Variants in AHRR observed in about 807,000 individuals in gnomAD.
The protein encoded by AHRR is aryl hydrocarbon receptor repressor.
In AHRR, 28 loss-of-function variants were observed where a neutral mutation model predicts 44.0. That is an observed-to-expected ratio of 0.64 (90% CI 0.47 to 0.87). The LOEUF (loss-of-function observed/expected upper bound fraction) is 0.87, where lower values mean the gene tolerates loss of function less well. Ranked by LOEUF, AHRR falls within the 40% of genes least tolerant of loss-of-function variation. The pLI is 0.00. For synonymous variants in AHRR, 434 were observed against 407.0 expected, an observed-to-expected ratio of 1.07 and a Z score of -0.80; for missense variants, 990 against 953.9, an observed-to-expected ratio of 1.04 and a Z score of -0.50.
rs61198497 is a variant in AHRR at position 367,858 on chromosome 5, G to A, written c.245-8752G>A. ...CGAAGATGTGGATGACCACACGGGC[G>A]AACGAAGGCCCATGTCGTTCAGGAG... On this transcript the variant is annotated intron_variant, in intron 3 of 10. Transcript: ENST00000684583. 119 of 702,592 alleles carry A rather than the reference G, an allele frequency of 1.7e-4. 3 individuals carry two copies. Among genetic ancestry groups the A allele is most frequent in the South Asian group, 1.1e-3 (75 of 67,604 alleles). 43.5% of individuals were successfully genotyped at this position (702,592 alleles called of 1,614,324 possible). A position where few individuals can be genotyped will look rare whatever the true frequency, so the allele number is the denominator to read the frequency against.
intron 3 of AHRR, among the ~76,000 whole-genome samples, chr5:372,198 C>T (rs902933002): frequency 6.6e-6 from 1 of 152,184 alleles, no homozygotes; most frequent in African/African-American, 2.4e-5. Context: ...GGTGGGCTGG[C>T]GGGGCCACCC....
At chr5:400,558 T>TA (rs999023959) in intron 4 of AHRR, among the ~76,000 whole-genome samples, 17 of 149,252 alleles carry the variant, frequency 1.1e-4, no homozygotes, top group African/African-American at 2.5e-4. Flanking sequence ...GGACCACGTT[T>TA]AAAAAAAAAA....
chr5:343,622 C>T, intron 1 of AHRR: 1 of 461,904 alleles, frequency 2.2e-6, no homozygotes, highest in Non-Finnish European at 3.8e-6. Context: ...AGCCAGGCTC[C>T]AGAGCAGGCG....
chr5:415,233 A>G (rs1246003401), intron 5 of AHRR, among the ~76,000 whole-genome samples: 2 of 152,236 alleles, frequency 1.3e-5, no homozygotes, highest in South Asian at 4.1e-4. Context: ...CTACGAGGAA[A>G]GGGTCCCAGA....
intron 4 of AHRR, among the ~76,000 whole-genome samples, chr5:379,843 TAA>T (rs1244789661): frequency 6.6e-6 from 1 of 152,266 alleles, no homozygotes; most frequent in Non-Finnish European, 1.5e-5. Context: ...CCATTTTGAT[TAA>T]GTTTAATTTA....
chr5:343,972 A>T lies in AHRR; in HGVS notation c.62+8A>T. 1 of 1,594,656 alleles carries T rather than the reference A, an allele frequency of 6.3e-7. No individual in the cohort carries two copies. Among genetic ancestry groups the T allele is most frequent in the Non-Finnish European group, 8.5e-7 (1 of 1,171,632 alleles). The stretch of plus-strand genomic sequence containing the variant: ...GAGGCCCCTGCAGAAACAGTAAAGT[A>T]TCCCGCCTTCTGCTTGTGTGGGTTG... On this transcript the variant is annotated splice_region_variant and intron_variant, in intron 2 of 10. Transcript: ENST00000684583.
chr5:396,459 C>T (rs1050721696), intron 4 of AHRR, among the ~76,000 whole-genome samples: 3 of 152,184 alleles, frequency 2.0e-5, no homozygotes, highest in Non-Finnish European at 4.4e-5. Flanking sequence ...GAGAGAGCTC[C>T]ATGATGCCCA....
At chr5:414,968 C>T (rs2126515353) in intron 5 of AHRR, among the ~76,000 whole-genome samples, 1 of 152,370 alleles carries the variant, frequency 6.6e-6, no homozygotes, top group East Asian at 1.9e-4. Flanking sequence ...CCCACAGGGC[C>T]CAGGCGGGGG....
In AHRR at chr5:419,355, G is replaced by A. The variant is rs1735968663; in HGVS notation, c.442-3374G>A. Among the ~76,000 whole-genome samples the A allele has an allele frequency of 6.6e-6, 1 of 152,002 alleles. No homozygotes were observed. Among genetic ancestry groups the A allele is most frequent in the African/African-American group, 2.4e-5 (1 of 41,370 alleles). ...AAATTTTGTATTTTTAGAAGAGACG[G>A]GGCTTCACCATGTTGAAGCCAGGCT... On this transcript the variant is annotated intron_variant, in intron 5 of 10. Coordinates refer to ENST00000684583, the MANE Select transcript of AHRR (RefSeq NM_001377236.1). This position sits in a 1 kb window ranked among gnomAD's most constrained non-coding sequence, Gnocchi z 4.4.
At chr5:427,710 A>G in intron 7 of AHRR, 97 bp from the exon 8 acceptor site, 1 of 1,613,672 alleles carries the variant, frequency 6.2e-7, no homozygotes, top group African/African-American at 1.3e-5. Context: ...CTCCCTACGA[A>G]TTCCAGCCGC....
chr5:393,999 A>G (rs1734587807), intron 4 of AHRR, among the ~76,000 whole-genome samples: 1 of 152,110 alleles, frequency 6.6e-6, no homozygotes, highest in Non-Finnish European at 1.5e-5. Flanking sequence ...TTCCCAGCCG[A>G]GGTCTCTCAT....
At chr5:421,014 G>A (rs1176970347) in intron 5 of AHRR, 2 of 462,288 alleles carry the variant, frequency 4.3e-6, no homozygotes, top group Non-Finnish European at 7.7e-6. Flanking sequence ...GGTTCAGGAG[G>A]TGGAAAGTTG....
intron 1 of AHRR, among the ~76,000 whole-genome samples, chr5:340,698 T>TA (rs1161468329): frequency 2.2e-5 from 1 of 46,196 alleles, no homozygotes; most frequent in African/African-American, 8.3e-5. Flanking sequence ...ATTTTTTTTT[T>TA]TTTTTTTTTT....
intron 1 of AHRR, among the ~76,000 whole-genome samples, chr5:332,513 G>A (rs542252481): frequency 9.9e-5 from 15 of 152,068 alleles, no homozygotes; most frequent in African/African-American, 1.4e-4. Flanking sequence ...TGATCCACCC[G>A]CCTCGGCCTC....
chr5:334,619 T>A (rs1407717944), intron 1 of AHRR, among the ~76,000 whole-genome samples: 1 of 152,074 alleles, frequency 6.6e-6, no homozygotes, highest in Non-Finnish European at 1.5e-5. Context: ...TTGTATTGAT[T>A]TTCAGATTCC....
At position 392,942 on chromosome 5, in the gene AHRR, T is replaced by C. The variant is rs1220587168; in HGVS notation, c.351+16226T>C. ...CTTGCAGGTGACGGGTCAAGGGATC[T>C]CCCCCCACACCAAGCGCCGTCTTTC... is the stretch of plus-strand genomic sequence containing the variant. On this transcript the variant is annotated intron_variant, in intron 4 of 10. Transcript: ENST00000684583. Among the ~76,000 whole-genome samples the C allele has an allele frequency of 2.6e-5, 4 of 151,912 alleles. No individual in the cohort carries two copies. The East Asian group carries it at 7.7e-4, about 29-fold the overall frequency.
intron 5 of AHRR, among the ~76,000 whole-genome samples, chr5:414,171 G>A (rs979159006): frequency 1.3e-5 from 2 of 152,172 alleles, no homozygotes; most frequent in Non-Finnish European, 2.9e-5. Flanking sequence ...GCTGAGGCAG[G>A]AGAATAGCGT....
At chr5:350,584 T>C (rs563333685) in intron 2 of AHRR, among the ~76,000 whole-genome samples, 93 of 152,264 alleles carry the variant, frequency 6.1e-4, no homozygotes, top group Non-Finnish European at 1.0e-3. Context: ...CTGTGGCCTC[T>C]CCCAGCTGCT....
intron 3 of AHRR, 57 bp from the exon 4 acceptor site, chr5:376,553 G>GCGGGGAGACACAGGA: frequency 3.4e-6 from 1 of 298,210 alleles, no homozygotes; most frequent in Non-Finnish European, 5.4e-6. Flanking sequence ...TGTGAATGAA[G>GCGGGGAGACACAGGA]AAGAGTGGCC....
Sources: allele counts gnomAD v4.1 joint callset (sites outside exome capture counted in the v4.1 genomes callset), GRCh38; gene constraint gnomAD v4.1.1; non-coding constraint Gnocchi (gnomAD v3.1); transcripts MANE v1.5; gene names NCBI Gene and HGNC (gene_info 2026-07-23, HGNC 2026-07-21).